The following POT1 variants were observed in gnomAD, a reference collection of about 807,000 sequenced individuals.
POT1 encodes the protein protection of telomeres 1.
POT1 carries 47 observed loss-of-function variants against 78.5 expected under a neutral mutation model. The observed-to-expected ratio is 0.60, with a 90% CI of 0.47 to 0.76. The LOEUF is 0.76. Among genes scored for constraint, POT1 ranks in the 30% least tolerant of loss-of-function variants. The pLI is 0.00. For missense variants in POT1, 646 were observed against 749.9 expected (o/e 0.86, Z 1.62); for synonymous variants, 259 against 260.7 (o/e 0.99, Z 0.06).
At chr7:124,835,189 C>T (rs1794860332) in intron 15 of POT1, 90 bp downstream of exon 15, 2 of 1,469,440 alleles carry the variant, frequency 1.4e-6, no homozygotes, top group Admixed American at 1.8e-5. Flanking sequence ...ACGTGTATAC[C>T]TACGTAACAA....
chr7:124,859,058 G>A lies in POT1; in HGVS notation c.601C>T (p.Leu201Phe), dbSNP rs2116526207. 6.2e-7 allele frequency: 1 copy of A among 1,610,504 alleles called. No individual in the cohort carries two copies. The highest frequency in any genetic ancestry group is 1.7e-5 in the Admixed American group (1 of 59,860). Residue 201 changes from leucine (L) to phenylalanine (F), a missense_variant, in exon 9 of 19, where the codon CTT becomes TTT. By Grantham distance (22) the Leu-to-Phe change is conservative. Coordinates refer to ENST00000357628, the MANE Select transcript of POT1 (RefSeq NM_015450.3). ...FPSWRVLIQD[L>F]VLEGDLSHIH... ...TGACTTAAATCACCTTCAAGAACAAGGTCTTGTATTAAGACTCTCCAAGAT... is the reference window on the plus strand; with the variant it reads ...TGACTTAAATCACCTTCAAGAACAAAGTCTTGTATTAAGACTCTCCAAGAT...
intron 14 of POT1, 133 bp downstream of exon 14, chr7:124,840,840 C>A: frequency 1.6e-6 from 1 of 615,566 alleles, no homozygotes; most frequent in Non-Finnish European, 2.7e-6. Flanking sequence ...CATATATATT[C>A]AATTTTGTTA....
chr7:124,871,742 T>A (rs1163324205), intron 6 of POT1, among the ~76,000 whole-genome samples: 2 of 151,846 alleles, frequency 1.3e-5, no homozygotes, highest in African/African-American at 4.8e-5. Flanking sequence ...TTTTTTTTTT[T>A]TTTTTGTAAT....
chr7:124,872,405 T>C (rs1158992619), intron 6 of POT1, among the ~76,000 whole-genome samples: 1 of 152,168 alleles, frequency 6.6e-6, no homozygotes, highest in Non-Finnish European at 1.5e-5. Context: ...TCTATAAATA[T>C]TTAATGGAAA....
At position 124,822,541 on chromosome 7, in the gene POT1, T is replaced by C. The variant is rs751168958; in HGVS notation, c.*1421A>G. On this transcript the variant is annotated 3_prime_UTR_variant, in exon 19 of 19. Transcript: ENST00000357628. ...ACCTTTGGACCTCTACTCTTCTAGA[T>C]TGAGGGCTTCCTGAAGGCAGAAAAA... The C allele has an allele frequency of 2.0e-5, 9 of 455,762 alleles. No homozygotes were observed. Among genetic ancestry groups the C allele is most frequent in the South Asian group, 7.8e-5 (5 of 64,440 alleles). The allele number at this position is 455,762 out of a possible 1,614,324, so 28.2% of individuals were successfully genotyped here.
chr7:124,863,590 T>C lies in POT1; in HGVS notation c.306A>G (p.Ala102=), dbSNP rs1182980873. The C allele has an allele frequency of 1.9e-6, 3 of 1,613,744 alleles. No homozygotes were observed. The highest frequency in any genetic ancestry group is 1.1e-5 in the South Asian group (1 of 91,074). The stretch of plus-strand genomic sequence containing the variant: ...CCAAAGTTCCCTCAAACGTCAAAGA[T>C]GCAAAGCCAGAGCTGGTGATACCCT... The part of the protein sequence containing the change: ...ETQGITSSGF[A]SLTFEGTLGA... Residue 102 remains alanine (A), a synonymous_variant, in exon 8 of 19, where the codon GCA becomes GCG. Coordinates refer to ENST00000357628, the MANE Select transcript of POT1 (RefSeq NM_015450.3).
chr7:124,907,053 T>C (rs1431276898), intron 3 of POT1, among the ~76,000 whole-genome samples: 2 of 152,116 alleles, frequency 1.3e-5, no homozygotes, highest in African/African-American at 2.4e-5. Context: ...CCACAGATGT[T>C]TAACTCAATT....
chr7:124,855,865 G>A (rs1795435305), intron 9 of POT1, among the ~76,000 whole-genome samples: 1 of 151,940 alleles, frequency 6.6e-6, no homozygotes, highest in African/African-American at 2.4e-5. Context: ...ACATAATTAT[G>A]ACCACGTATA....
At chr7:124,883,429 G>A (rs1181135975) in intron 6 of POT1, among the ~76,000 whole-genome samples, 1 of 151,974 alleles carries the variant, frequency 6.6e-6, no homozygotes, top group Non-Finnish European at 1.5e-5. Context: ...CAGAAACAAT[G>A]ACATATATAA....
intron 2 of POT1, among the ~76,000 whole-genome samples, chr7:124,918,697 C>T (rs1797075642): frequency 6.6e-6 from 1 of 152,092 alleles, no homozygotes; most frequent in African/African-American, 2.4e-5. Context: ...AGACTGATGT[C>T]CCAGAATTAC....
At chr7:124,831,412 A>G (rs1044994500) in intron 15 of POT1, among the ~76,000 whole-genome samples, 7 of 152,236 alleles carry the variant, frequency 4.6e-5, no homozygotes, top group Non-Finnish European at 8.8e-5. Flanking sequence ...TTAGTAATAC[A>G]TACATACACA....
chr7:124,863,623 C>T lies in POT1; in HGVS notation c.273G>A (p.Lys91=), dbSNP rs748016795. ...CAGAGCTGGTGATACCCTGAGTCTC[C>T]TTTTTATATACTTGAATCTAAGAAA... ...FHRLKIQVYK[K]ETQGITSSGF... is the part of the protein sequence containing the mutation. Residue 91 remains lysine (K), a synonymous_variant, in exon 8 of 19, where the codon AAG becomes AAA. Transcript: ENST00000357628. 3.7e-6 allele frequency: 6 copies of T among 1,610,144 alleles called. No homozygotes were observed. The highest frequency in any genetic ancestry group is 5.1e-6 in the Non-Finnish European group (6 of 1,178,684).
At chr7:124,865,586 A>AT (rs1042311077) in intron 7 of POT1, among the ~76,000 whole-genome samples, 1 of 151,472 alleles carries the variant, frequency 6.6e-6, no homozygotes, top group Non-Finnish European at 1.5e-5. Flanking sequence ...CTGAATTTCT[A>AT]TTTTTTTAAT....
chr7:124,840,381 T>C (rs1466801794), intron 14 of POT1, among the ~76,000 whole-genome samples: 1 of 150,654 alleles, frequency 6.6e-6, no homozygotes, highest in Non-Finnish European at 1.5e-5. Context: ...AGAAAAACAA[T>C]GAAAAGGTTA....
At chr7:124,860,043 G>C (rs758012388) in intron 8 of POT1, among the ~76,000 whole-genome samples, 2 of 151,780 alleles carry the variant, frequency 1.3e-5, no homozygotes, top group Non-Finnish European at 2.9e-5. Flanking sequence ...ATACTATTTT[G>C]TATGTAACCA....
intron 3 of POT1, among the ~76,000 whole-genome samples, chr7:124,913,448 T>C (rs932204646): frequency 3.9e-5 from 6 of 152,212 alleles, no homozygotes; most frequent in African/African-American, 1.4e-4. Flanking sequence ...TTCATGATAA[T>C]GTCCTTTGAT....
At chr7:124,867,896 T>C (rs977911092) in intron 7 of POT1, among the ~76,000 whole-genome samples, 63 of 152,112 alleles carry the variant, frequency 4.1e-4, no homozygotes, top group African/African-American at 1.5e-3. Context: ...TCTTCCCACC[T>C]AGCCCTCCCA....
At chr7:124,914,312 C>T (rs1008152829) in intron 3 of POT1, among the ~76,000 whole-genome samples, 1 of 151,962 alleles carries the variant, frequency 6.6e-6, no homozygotes, top group African/African-American at 2.4e-5. Context: ...GTTGTTTTCG[C>T]AATTTGAAGC....
chr7:124,868,003 T>C (rs994075378), intron 7 of POT1, among the ~76,000 whole-genome samples: 1 of 152,212 alleles, frequency 6.6e-6, no homozygotes, highest in Non-Finnish European at 1.5e-5. Flanking sequence ...ACTTTCATAC[T>C]GTCTGCTTCT....
Sources: allele counts gnomAD v4.1 joint callset (sites outside exome capture counted in the v4.1 genomes callset), GRCh38; gene constraint gnomAD v4.1.1; transcripts MANE v1.5; gene names NCBI Gene and HGNC (gene_info 2026-07-23, HGNC 2026-07-21).